Variants in SLC25A26 observed in about 807,000 individuals in gnomAD.
SLC25A26 encodes the protein solute carrier family 25 member 26, also known as mitochondrial S-adenosylmethionine carrier protein.
In SLC25A26, 36 loss-of-function variants were observed where a neutral mutation model predicts 37.8. That is an observed-to-expected ratio of 0.95 (90% confidence interval 0.73 to 1.26). The LOEUF is 1.26. Among genes scored for constraint, SLC25A26 ranks in the 50% most tolerant of loss-of-function variants. SLC25A26 has a pLI of 0.00. For synonymous variants in SLC25A26, 129 were observed against 122.5 expected, an observed-to-expected ratio of 1.05 and a Z score of -0.35; for missense variants, 390 against 331.1, an observed-to-expected ratio of 1.18 and a Z score of -1.38.
chr3:66,188,949 A>T (rs1052319817), intron 1 of SLC25A26, among the ~76,000 whole-genome samples: 2 of 151,934 alleles, frequency 1.3e-5, no homozygotes, highest in Non-Finnish European at 2.9e-5. Context: ...CCTTACAATG[A>T]CCCTAATCTT....
chr3:66,355,136 C>T (rs779565328), intron 6 of SLC25A26, among the ~76,000 whole-genome samples: 24 of 152,140 alleles, frequency 1.6e-4, no homozygotes, highest in Non-Finnish European at 3.2e-4. Context: ...TGTATAAACT[C>T]TAAAACCTAA....
intron 1 of SLC25A26, among the ~76,000 whole-genome samples, chr3:66,143,260 T>G (rs1404899045): frequency 6.6e-6 from 1 of 152,252 alleles, no homozygotes; most frequent in Non-Finnish European, 1.5e-5. Context: ...TTAAGTTGTT[T>G]CTACCTTTTG....
chr3:66,276,617 C>G (rs1288876028), intron 5 of SLC25A26, among the ~76,000 whole-genome samples: 2 of 125,996 alleles, frequency 1.6e-5, no homozygotes, highest in Admixed American at 7.7e-5. Context: ...AATGTTTTGA[C>G]TGATTGTAGT....
rs189294557 is a variant in SLC25A26, at chr3:66,266,428, G to C, written c.453+3049G>C. ...ATCAAAATCTTAGTGAGAATCACCTGGAAACGTATACATTTATTCTGTATG... is the reference window on the plus strand; with the variant it reads ...ATCAAAATCTTAGTGAGAATCACCTCGAAACGTATACATTTATTCTGTATG... On this transcript the variant is annotated intron_variant, in intron 5 of 9. Coordinates refer to ENST00000354883, the MANE Select transcript of SLC25A26 (RefSeq NM_001379210.1). Among the ~76,000 whole-genome samples the C allele has an allele frequency of 4.6e-5, 7 of 152,182 alleles. No homozygotes were observed. In the East Asian group the frequency reaches 1.3e-3, roughly 29 times the overall value.
chr3:66,220,991 A>C (rs143021117), upstream of SLC25A26: 28 of 1,229,430 alleles, frequency 2.3e-5, no homozygotes, highest in African/African-American at 3.6e-4. Flanking sequence ...TGGTCCCGGA[A>C]GTTCAAGACA....
chr3:66,345,705 T>C (rs1181847928), intron 5 of SLC25A26, among the ~76,000 whole-genome samples: 1 of 152,146 alleles, frequency 6.6e-6, no homozygotes, highest in African/African-American at 2.4e-5. Flanking sequence ...TCCTCTGTGT[T>C]TCTCCTTTAA....
intron 1 of SLC25A26, among the ~76,000 whole-genome samples, chr3:66,166,842 T>C (rs935635353): frequency 4.6e-5 from 7 of 152,104 alleles, no homozygotes; most frequent in Non-Finnish European, 8.8e-5. Context: ...CCAAAACTCA[T>C]CTTGAATGGT....
chr3:66,253,994 C>T (rs1171821965), intron 3 of SLC25A26, among the ~76,000 whole-genome samples: 2 of 152,198 alleles, frequency 1.3e-5, no homozygotes, highest in East Asian at 3.8e-4. Flanking sequence ...GAGAAGACTT[C>T]CTTGTGTAGT....
At chr3:66,199,237 CACCCT>C (rs1303383384) in intron 1 of SLC25A26, among the ~76,000 whole-genome samples, 1 of 151,658 alleles carries the variant, frequency 6.6e-6, no homozygotes, top group Admixed American at 6.6e-5. Context: ...ACCTGACTCT[CACCCT>C]ACCTTTACCC....
intron 1 of SLC25A26, among the ~76,000 whole-genome samples, chr3:66,154,264 G>C (rs908513228): frequency 1.3e-5 from 2 of 152,166 alleles, no homozygotes; most frequent in African/African-American, 4.8e-5. Context: ...CACTGTAGTA[G>C]CTTCAGCAGA....
chr3:66,353,410 G>A (rs536512905), intron 6 of SLC25A26, among the ~76,000 whole-genome samples: 4 of 152,292 alleles, frequency 2.6e-5, no homozygotes, highest in East Asian at 1.9e-4. Context: ...GAGTTTGAAC[G>A]CCTTGCCCAA....
At chr3:66,287,291 G>C (rs1183674384) in intron 5 of SLC25A26, among the ~76,000 whole-genome samples, 1 of 142,592 alleles carries the variant, frequency 7.0e-6, no homozygotes, top group Non-Finnish European at 1.5e-5. Flanking sequence ...GCGAGACTCC[G>C]TCTCAAAAAA....
intron 1 of SLC25A26, among the ~76,000 whole-genome samples, chr3:66,152,355 G>A (rs113937609): frequency 0.011 from 1,690 of 152,286 alleles, 14 homozygotes; most frequent in Non-Finnish European, 0.017. Flanking sequence ...GCTTTTGGTT[G>A]CAAGTAAGGG....
intron 1 of SLC25A26, among the ~76,000 whole-genome samples, chr3:66,142,143 C>T (rs28367017): frequency 0.097 from 14,818 of 152,246 alleles, 863 homozygotes; most frequent in Middle Eastern, 0.17. Flanking sequence ...TACTCCCCAA[C>T]CCCACTCCAG....
At chr3:66,280,557 C>T in intron 5 of SLC25A26, among the ~76,000 whole-genome samples, 1 of 152,146 alleles carries the variant, frequency 6.6e-6, no homozygotes, top group East Asian at 1.9e-4. Flanking sequence ...CAGAGTTGGT[C>T]TCTGAATTCT....
intron 1 of SLC25A26, among the ~76,000 whole-genome samples, chr3:66,157,793 A>T (rs947938894): frequency 5.9e-5 from 9 of 152,150 alleles, no homozygotes; most frequent in Admixed American, 1.3e-4. Context: ...ACATTTATTT[A>T]AAAAAATTTT....
At chr3:66,190,234 G>A (rs1438763640) in intron 1 of SLC25A26, among the ~76,000 whole-genome samples, 1 of 151,698 alleles carries the variant, frequency 6.6e-6, no homozygotes, top group African/African-American at 2.4e-5. Flanking sequence ...AGGATAGATT[G>A]AGCTTGGGAG....
At chr3:66,162,679 T>A (rs1312076468) in intron 1 of SLC25A26, among the ~76,000 whole-genome samples, 1 of 152,092 alleles carries the variant, frequency 6.6e-6, no homozygotes, top group Non-Finnish European at 1.5e-5. Flanking sequence ...ATACTTAAAT[T>A]AACATGATAT....
intron 1 of SLC25A26, among the ~76,000 whole-genome samples, chr3:66,225,739 G>A (rs1576659488): frequency 6.6e-6 from 1 of 152,082 alleles, no homozygotes; most frequent in East Asian, 1.9e-4. Flanking sequence ...TTGCCACTTA[G>A]AAATTTCTTC....
Sources: gnomAD v4.1 joint callset for allele counts (sites outside exome capture counted in the v4.1 genomes callset) on GRCh38, gnomAD v4.1.1 for gene constraint, MANE v1.5 for transcripts, NCBI Gene and HGNC (gene_info 2026-07-23, HGNC 2026-07-21) for gene names.